The following ARHGAP12 variants were observed in gnomAD, a reference collection of about 807,000 sequenced individuals.
ARHGAP12 encodes the protein Rho GTPase activating protein 12, also known as rho GTPase-activating protein 12.
A neutral mutation model predicts 108.6 loss-of-function variants in ARHGAP12; 64 were observed. That is an observed-to-expected ratio of 0.59 (90% CI 0.48 to 0.73). The LOEUF (loss-of-function observed/expected upper bound fraction) is 0.73. Ranked by LOEUF, ARHGAP12 falls within the 30% of genes least tolerant of loss-of-function variation. ARHGAP12 has a pLI of 0.00. For synonymous variants in ARHGAP12, 312 were observed against 337.2 expected (o/e 0.93, Z 0.82); for missense variants, 940 against 1,005.9 (o/e 0.93, Z 0.89).
chr10:31,841,722 T>C (rs1432609753), intron 7 of ARHGAP12, among the ~76,000 whole-genome samples: 1 of 152,132 alleles, frequency 6.6e-6, no homozygotes, highest in Admixed American at 6.5e-5. Context: ...TATTTTCAAT[T>C]AATGGTATTT....
At chr10:31,830,861 T>C (rs1592264281) in intron 10 of ARHGAP12, among the ~76,000 whole-genome samples, 1 of 152,318 alleles carries the variant, frequency 6.6e-6, no homozygotes, top group Middle Eastern at 3.4e-3. Context: ...TTCTCTCTTC[T>C]CTCTCCTGGC....
intron 3 of ARHGAP12, among the ~76,000 whole-genome samples, chr10:31,870,261 C>T (rs1382659710): frequency 1.4e-5 from 2 of 145,860 alleles, no homozygotes; most frequent in Admixed American, 6.9e-5. Context: ...TGGAATCTCG[C>T]TCTCATTGCC....
intron 1 of ARHGAP12, among the ~76,000 whole-genome samples, chr10:31,928,482 G>C (rs1309722077): frequency 1.4e-5 from 2 of 139,438 alleles, no homozygotes; most frequent in African/African-American, 6.3e-5. Context: ...CCTAACCCCC[G>C]CGCCCAGAGC....
intron 3 of ARHGAP12, among the ~76,000 whole-genome samples, chr10:31,892,236 A>G (rs956928232): frequency 6.6e-6 from 1 of 152,196 alleles, no homozygotes; most frequent in African/African-American, 2.4e-5. Context: ...CATCATAATG[A>G]CAGGATCAAA....
intron 3 of ARHGAP12, among the ~76,000 whole-genome samples, chr10:31,906,888 T>C (rs964631752): frequency 1.4e-4 from 21 of 152,202 alleles, no homozygotes; most frequent in East Asian, 7.7e-4. Flanking sequence ...GAGCTAAATA[T>C]AGAAAAATTC....
At chr10:31,809,163 T>G in intron 17 of ARHGAP12, 35 bp from the exon 18 acceptor site, 1 of 1,612,712 alleles carries the variant, frequency 6.2e-7, no homozygotes, top group Non-Finnish European at 8.5e-7. Flanking sequence ...TTTTAAAAAA[T>G]TACTTTAAGC....
At chr10:31,850,611 T>C (rs1383611120) in intron 6 of ARHGAP12, among the ~76,000 whole-genome samples, 3 of 152,236 alleles carry the variant, frequency 2.0e-5, no homozygotes, top group Admixed American at 1.3e-4. Context: ...TATCTTATTA[T>C]GTTTATCTCC....
At chr10:31,852,351 A>G (rs960553612) in intron 6 of ARHGAP12, among the ~76,000 whole-genome samples, 166 bp downstream of exon 6, 1 of 152,184 alleles carries the variant, frequency 6.6e-6, no homozygotes, top group Non-Finnish European at 1.5e-5. Flanking sequence ...ACACCTGTAC[A>G]TCTTAGAAAA....
intron 5 of ARHGAP12, 119 bp from the exon 6 acceptor site, chr10:31,852,716 G>C: frequency 8.3e-6 from 4 of 482,510 alleles, no homozygotes; most frequent in Non-Finnish European, 1.4e-5. Context: ...CAAGAACATT[G>C]CAACAAAAAA....
At chr10:31,909,705 G>A (rs1377074813) in intron 2 of ARHGAP12, among the ~76,000 whole-genome samples, 4 of 152,120 alleles carry the variant, frequency 2.6e-5, no homozygotes, top group Non-Finnish European at 2.9e-5. Context: ...AGAGCAGCCT[G>A]ACCAACATGG....
rs892691213 is a variant in ARHGAP12, at chr10:31,814,984, G to GT, written c.1732-624dup. Among the ~76,000 whole-genome samples the GT allele has an allele frequency of 3.2e-4, 48 of 152,154 alleles. No individual in the cohort carries two copies. The Middle Eastern group carries it at 0.014, about 43-fold the overall frequency. On this transcript the variant is annotated intron_variant, in intron 13 of 19. Transcript: ENST00000344936. The stretch of plus-strand genomic sequence containing the variant: ...AAAATACAAAAATTAGCCGGGCATG[G>GT]TGGCACACGCCTGTAGTCCCAGCTA...
Position 31,839,729 on chromosome 10 carries a change from T to C in ARHGAP12, c.1297-18A>G. ...GGAGATTCCTACAAGAAATAAGTAA[T>C]GAAAAAAGTTACTCTATTTTATATA... On this transcript the variant is annotated intron_variant, in intron 7 of 19. Transcript: ENST00000344936. 2 of 1,572,478 alleles carry C rather than the reference T, an allele frequency of 1.3e-6. No homozygotes were observed. Among genetic ancestry groups the C allele is most frequent in the African/African-American group, 1.4e-5 (1 of 74,022 alleles).
chr10:31,924,752 T>TG (rs1398040609), intron 1 of ARHGAP12, among the ~76,000 whole-genome samples: 1 of 152,154 alleles, frequency 6.6e-6, no homozygotes, highest in South Asian at 2.1e-4. Flanking sequence ...GCACAGAACT[T>TG]GGAGTCAGAG....
At position 31,826,299 on chromosome 10, in the gene ARHGAP12, CT is replaced by C; in HGVS notation, c.1530+4del. The C allele has an allele frequency of 6.2e-7, 1 of 1,602,868 alleles. No individual in the cohort carries two copies. Among genetic ancestry groups the C allele is most frequent in the South Asian group, 1.1e-5 (1 of 89,206 alleles). On this transcript the variant is annotated splice_donor_region_variant and intron_variant, in intron 11 of 19. Coordinates refer to ENST00000344936, the MANE Select transcript of ARHGAP12 (RefSeq NM_018287.7). ...ATAAAATCTCCAAAGAGAAGAAATACTTACCCAACTTGTGCTACTTCCTTGA... is the reference window on the plus strand; with the variant it reads ...ATAAAATCTCCAAAGAGAAGAAATACTACCCAACTTGTGCTACTTCCTTGA...
intron 4 of ARHGAP12, among the ~76,000 whole-genome samples, chr10:31,855,916 AATAGTTGTTTAATG>A (rs1226518980): frequency 6.6e-6 from 1 of 152,190 alleles, no homozygotes; most frequent in Non-Finnish European, 1.5e-5. Context: ...TCCACTGGAA[AATAGTTGTTTAATG>A]GCAGTTAAGT....
chr10:31,862,707 C>CACACAG (rs1554781371), intron 3 of ARHGAP12, among the ~76,000 whole-genome samples: 5 of 10,048 alleles, frequency 5.0e-4, no homozygotes, highest in African/African-American at 1.4e-3. Flanking sequence ...CACACACAGA[C>CACACAG]ACACACACAC....
chr10:31,924,011 G>GT (rs1302822556), intron 1 of ARHGAP12, among the ~76,000 whole-genome samples: 1 of 152,062 alleles, frequency 6.6e-6, no homozygotes, highest in Non-Finnish European at 1.5e-5. Context: ...AAACAACCAG[G>GT]TATCACTACT....
intron 3 of ARHGAP12, among the ~76,000 whole-genome samples, chr10:31,898,444 C>A (rs1252412219): frequency 2.6e-5 from 4 of 152,094 alleles, no homozygotes; most frequent in African/African-American, 7.2e-5. Context: ...AAAATTGGAA[C>A]CCTAATGCAT....
At chr10:31,832,450 T>A (rs1337289375) in intron 9 of ARHGAP12, among the ~76,000 whole-genome samples, 2 of 152,202 alleles carry the variant, frequency 1.3e-5, no homozygotes, top group East Asian at 3.8e-4. Flanking sequence ...TCAAACCCTA[T>A]GAAGGCAGAA....
Sources: gnomAD v4.1 joint callset for allele counts (sites outside exome capture counted in the v4.1 genomes callset) on GRCh38, gnomAD v4.1.1 for gene constraint, MANE v1.5 for transcripts, NCBI Gene and HGNC (gene_info 2026-07-23, HGNC 2026-07-21) for gene names.